The following METTL1 variants were observed in gnomAD, a reference collection of about 807,000 sequenced individuals.
The protein encoded by METTL1 is methyltransferase 1, tRNA methylguanosine.
METTL1 carries 14 observed loss-of-function variants against 27.7 expected under a neutral mutation model. That is an observed-to-expected ratio of 0.51 (90% CI 0.33 to 0.79). The LOEUF (loss-of-function observed/expected upper bound fraction) is 0.79, where lower values mean the gene tolerates loss of function less well. METTL1 is among the 30% of genes least tolerant of loss of function. The pLI, the probability that METTL1 is intolerant of heterozygous loss-of-function variation, is 0.02. For synonymous variants in METTL1, 138 were observed against 137.0 expected (o/e 1.01, Z -0.05); for missense variants, 333 against 359.6 (o/e 0.93, Z 0.60).
Position 57,772,004 on chromosome 12 carries a change from G to C in METTL1, c.80C>G (p.Ser27Cys), listed in dbSNP as rs1371552191. ...CAGCGTGTGGTCCGCCATGGGGTTG[G>C]AGTGAGCACGTTGCCGGTAGTAGCG... ...QKRYYRQRAH[S>C]NPMADHTLRY... Residue 27 changes from serine (S) to cysteine (C), a missense_variant, in exon 1 of 6, where the codon TCC becomes TGC. Physicochemically the swap from Ser to Cys is moderately radical, Grantham distance 112. Coordinates refer to ENST00000324871, the MANE Select transcript of METTL1 (RefSeq NM_005371.6). The surrounding 1 kb of genome is among the most constrained non-coding windows in gnomAD (Gnocchi z 4.1). 1.3e-6 allele frequency: 2 copies of C among 1,551,706 alleles called. No individual in the cohort carries two copies. Among genetic ancestry groups the C allele is most frequent in the Non-Finnish European group, 8.6e-7 (1 of 1,157,292 alleles).
intron 2 of METTL1, 33 bp downstream of exon 2, chr12:57,771,061 C>A (rs376983069): frequency 1.2e-6 from 2 of 1,605,504 alleles, no homozygotes; most frequent in Admixed American, 3.4e-5. Flanking sequence ...TACTAGGCCT[C>A]TTCTCACCCC....
chr12:57,769,733 A>C (rs1595122513), intron 3 of METTL1, 39 bp downstream of exon 3: 2 of 1,610,136 alleles, frequency 1.2e-6, no homozygotes, highest in Non-Finnish European at 1.7e-6. Flanking sequence ...CCATGCCCCC[A>C]CCTGCCTACC....
chr12:57,771,264 G>C lies in METTL1; in HGVS notation c.111-7C>G. On this transcript the variant is annotated splice_polypyrimidine_tract_variant and splice_region_variant and intron_variant, in intron 1 of 5. Transcript: ENST00000324871. ...CTCCTCTGGCTTCACAGGGCTATTG[G>C]AAAGAAGACATAAGAAGCATGAGAA... The C allele has an allele frequency of 1.3e-6, 2 of 1,494,420 alleles. No homozygotes were observed. Among genetic ancestry groups the C allele is most frequent in the South Asian group, 1.1e-5 (1 of 89,582 alleles). 92.6% of individuals were successfully genotyped at this position (1,494,420 alleles called of 1,614,324 possible).
At position 57,769,901 on chromosome 12, in the gene METTL1, C is replaced by T; in HGVS notation, c.330G>A (p.Val110=). ...DTLILGLEIR[V]KVSDYVQDRI... ...GGTCTTGTACATAGTCTGAGACCTT[C>T]ACCCGGATCTCCAGACCCAGAATAA... The change falls in exon 3 of 6, where the codon GTG becomes GTA. Residue 110 remains valine, a synonymous_variant. Transcript: ENST00000324871. 2 of 1,613,584 alleles carry T rather than the reference C, an allele frequency of 1.2e-6. No homozygotes were observed. Among genetic ancestry groups the T allele is most frequent in the African/African-American group, 2.7e-5 (2 of 75,048 alleles).
Position 57,769,163 on chromosome 12 carries a change from A to C in METTL1, c.676-12T>G, listed in dbSNP as rs1405128741. ...ACGGGGTCTTCACTCTGGGAGAAGGAAGGGTCCAATAAGTCCTTGCCCACT... is the reference window on the plus strand; with the variant it reads ...ACGGGGTCTTCACTCTGGGAGAAGGCAGGGTCCAATAAGTCCTTGCCCACT... On this transcript the variant is annotated splice_polypyrimidine_tract_variant and intron_variant, in intron 5 of 5. Coordinates refer to ENST00000324871, the MANE Select transcript of METTL1 (RefSeq NM_005371.6). 5.6e-6 allele frequency: 9 copies of C among 1,599,774 alleles called. No homozygotes were observed.
At chr12:57,771,483 C>A in intron 1 of METTL1, 1 of 1,510,436 alleles carries the variant, frequency 6.6e-7, no homozygotes, top group Admixed American at 2.1e-5. Flanking sequence ...CGCTGACCTG[C>A]CCAACTCCAC....
intron 2 of METTL1, chr12:57,770,659 G>A (rs1036902830): frequency 5.8e-6 from 1 of 172,614 alleles, no homozygotes; most frequent in African/African-American, 2.4e-5. Context: ...GGACAATACA[G>A]ACAATACAAG....
Position 57,768,956 on chromosome 12 carries a change from A to G in METTL1, c.*40T>C, listed in dbSNP as rs703842. The G allele has an allele frequency of 0.35, 554,263 of 1,581,434 alleles. 103,017 individuals carry two copies. The highest frequency in any genetic ancestry group is 0.69 in the East Asian group (30,631 of 44,098). ...CCCAGGACTCCTGCTCTTTTCTCTA[A>G]TCCCTGGGAGACGAGGTCCAGCTAA... On this transcript the variant is annotated 3_prime_UTR_variant, in exon 6 of 6. Coordinates refer to ENST00000324871, the MANE Select transcript of METTL1 (RefSeq NM_005371.6).
In METTL1 at chr12:57,769,549, T is replaced by C; in HGVS notation, c.573+16A>G. 6.4e-7 allele frequency: 1 copy of C among 1,558,326 alleles called. No individual in the cohort carries two copies. The highest frequency in any genetic ancestry group is 1.2e-5 in the South Asian group (1 of 81,512). On this transcript the variant is annotated intron_variant, in intron 4 of 5. Transcript: ENST00000324871. ...AGTAGGCCACTCACCCCATCATCCC[T>C]CCGATCCCAACTCACCCCAACTCTT...
chr12:57,771,402 C>G (rs1360764128), intron 1 of METTL1, 145 bp from the exon 2 acceptor site: 18 of 1,462,706 alleles, frequency 1.2e-5, no homozygotes, highest in Non-Finnish European at 1.6e-5. Flanking sequence ...GCCCTGTGGC[C>G]TCTAAGAGGG....
chr12:57,769,268 AAAGG>A, intron 5 of METTL1, 31 bp downstream of exon 5: 1 of 1,612,728 alleles, frequency 6.2e-7, no homozygotes, highest in African/African-American at 1.3e-5. Flanking sequence ...ACCACTCTGG[AAAGG>A]GCCTCCACCT....
intron 2 of METTL1, chr12:57,770,878 C>G: frequency 4.0e-6 from 2 of 502,188 alleles, no homozygotes; most frequent in Non-Finnish European, 7.1e-6. Flanking sequence ...CCAGAAAGGA[C>G]AACCCAGGTT....
Position 57,769,643 on chromosome 12 carries a change from A to C in METTL1, c.495T>G (p.His165Gln), listed in dbSNP as rs1160255797. The change falls in exon 4 of 6, where the codon CAT (histidine) becomes CAG (glutamine). Residue 165 changes from histidine to glutamine, a missense_variant. Physicochemically the swap from His to Gln is conservative, Grantham distance 24 (BLOSUM62 0). Coordinates refer to ENST00000324871, the MANE Select transcript of METTL1 (RefSeq NM_005371.6). ...GCCACTTGTGCTTTGTCCGCTTGAA[A>C]TGTGGGTCGGGGAAGAGGAAGAACA... ...TKMFFLFPDP[H>Q]FKRTKHKWRI... is the part of the protein sequence containing the mutation. 1.3e-6 allele frequency: 2 copies of C among 1,559,578 alleles called. No homozygotes were observed. Among genetic ancestry groups the C allele is most frequent in the South Asian group, 2.4e-5 (2 of 81,946 alleles).
At position 57,771,167 on chromosome 12, in the gene METTL1, C is replaced by T. The variant is rs777790776; in HGVS notation, c.201G>A (p.Lys67=). Residue 67 remains lysine (K), a synonymous_variant, in exon 2 of 6, where the codon AAG becomes AAA. Transcript: ENST00000324871. ...CCTGAGCTCTCTTTTCTTTCTTATC[C>T]TTTGGGTCATCGTGGCTCTGATTTT... ...LTQNQSHDDP[K]DKKEKRAQAQ... is the part of the protein sequence containing the mutation. 2 of 1,614,180 alleles carry T rather than the reference C, an allele frequency of 1.2e-6. No individual in the cohort carries two copies. Among genetic ancestry groups the T allele is most frequent in the African/African-American group, 1.3e-5 (1 of 75,046 alleles).
At position 57,769,160 on chromosome 12, in the gene METTL1, A is replaced by T. The variant is rs201484091; in HGVS notation, c.676-9T>A. ...ACAACGGGGTCTTCACTCTGGGAGA[A>T]GGAAGGGTCCAATAAGTCCTTGCCC... is the stretch of plus-strand genomic sequence containing the variant. On this transcript the variant is annotated splice_polypyrimidine_tract_variant and intron_variant, in intron 5 of 5. Coordinates refer to ENST00000324871, the MANE Select transcript of METTL1 (RefSeq NM_005371.6). 2 of 1,599,882 alleles carry T rather than the reference A, an allele frequency of 1.3e-6. No individual in the cohort carries two copies. Among genetic ancestry groups the T allele is most frequent in the Admixed American group, 1.7e-5 (1 of 59,814 alleles).
At chr12:57,770,875 G>A (rs957390067) in intron 2 of METTL1, 43 of 496,288 alleles carry the variant, frequency 8.7e-5, no homozygotes, top group Non-Finnish European at 1.3e-4. Flanking sequence ...ACGCCAGAAA[G>A]GACAACCCAG....
At chr12:57,769,699 A>C in intron 3 of METTL1, 21 bp from the exon 4 acceptor site, 1 of 1,599,564 alleles carries the variant, frequency 6.3e-7, no homozygotes, top group African/African-American at 1.3e-5. Context: ...GACACACACC[A>C]ACAGGGTTGT....
rs773312973 is a variant in METTL1, at chr12:57,768,893, G to C, written c.*103C>G. The C allele has an allele frequency of 7.0e-7, 1 of 1,435,286 alleles. No homozygotes were observed. Among genetic ancestry groups the C allele is most frequent in the Non-Finnish European group, 9.5e-7 (1 of 1,051,820 alleles). The allele number at this position is 1,435,286 out of a possible 1,614,324, so 88.9% of individuals were successfully genotyped here. A position where few individuals can be genotyped will look rare whatever the true frequency, so the allele number is the denominator to read the frequency against. On this transcript the variant is annotated 3_prime_UTR_variant, in exon 6 of 6. Coordinates refer to ENST00000324871, the MANE Select transcript of METTL1 (RefSeq NM_005371.6). ...GCAGCTCCCCACCTTCTTTAAGAGA[G>C]TACTGTGTCTCAGCTCCAGCAGTCT...
intron 2 of METTL1, 91 bp from the exon 3 acceptor site, chr12:57,770,047 C>A: frequency 1.5e-6 from 2 of 1,322,674 alleles, no homozygotes; most frequent in East Asian, 2.5e-5. Context: ...CAACCTGCAA[C>A]TACCAAAGTC....
Sources: allele counts gnomAD v4.1 joint callset, GRCh38; gene constraint gnomAD v4.1.1; non-coding constraint Gnocchi (gnomAD v3.1); transcripts MANE v1.5; gene names NCBI Gene and HGNC (gene_info 2026-07-23, HGNC 2026-07-21).